WWOX: variants seen among roughly 807,000 people sequenced by gnomAD.
The protein encoded by WWOX is WW domain containing oxidoreductase, also known as WW domain-containing oxidoreductase.
A neutral mutation model predicts 46.2 loss-of-function variants in WWOX; 69 were observed. The ratio of observed to expected loss-of-function variants is 1.49; its 90% CI spans 1.23 to 1.82. WWOX has a LOEUF of 1.82. Ranked by LOEUF, WWOX falls within the 40% of genes most tolerant of loss-of-function variation. The probability of loss-of-function intolerance (pLI) is 0.00; values close to 1 mark genes in which losing one functional copy is unlikely to be tolerated. For missense variants in WWOX, 919 were observed against 542.6 expected (o/e 1.69, Z -6.89); for synonymous variants, 359 against 202.6 (o/e 1.77, Z -6.56).
intron 8 of WWOX, among the ~76,000 whole-genome samples, chr16:78,917,155 C>G (rs1597147919): frequency 2.0e-5 from 3 of 152,276 alleles, no homozygotes; most frequent in East Asian, 1.9e-4. Context: ...CCACTCTCAA[C>G]CAATTTTTGT....
At chr16:78,197,975 T>C (rs1276828554) in intron 5 of WWOX, among the ~76,000 whole-genome samples, 1 of 152,112 alleles carries the variant, frequency 6.6e-6, no homozygotes, top group Non-Finnish European at 1.5e-5. Flanking sequence ...TCCATTTTCT[T>C]TCCTTTTTAC....
chr16:79,176,941 C>A (rs918049218), intron 8 of WWOX, among the ~76,000 whole-genome samples: 1 of 152,168 alleles, frequency 6.6e-6, no homozygotes, highest in Non-Finnish European at 1.5e-5. Context: ...CTTTCCCTCT[C>A]ATCAGTTTCC....
chr16:78,118,566 C>G (rs1176503510), intron 4 of WWOX, among the ~76,000 whole-genome samples: 1 of 152,152 alleles, frequency 6.6e-6, no homozygotes. Context: ...TGTTGAACTA[C>G]TGTTTGTGTA....
chr16:78,902,649 C>G (rs1218871266), intron 8 of WWOX, among the ~76,000 whole-genome samples: 3 of 152,210 alleles, frequency 2.0e-5, no homozygotes, highest in Admixed American at 6.5e-5. Flanking sequence ...CATGGGTAAA[C>G]CATTAGGCCG....
intron 8 of WWOX, among the ~76,000 whole-genome samples, chr16:78,617,337 G>T (rs1427698650): frequency 6.6e-6 from 1 of 151,314 alleles, no homozygotes; most frequent in Non-Finnish European, 1.5e-5. Flanking sequence ...AGGAGGCAGA[G>T]GTTGCAGTGA....
rs116759908 is a variant in WWOX, at chr16:78,814,317, C to G, written c.1056+381565C>G. Among the ~76,000 whole-genome samples, 1,177 of 152,202 alleles carry G rather than the reference C, an allele frequency of 7.7e-3. 14 individuals carry two copies. The highest frequency in any genetic ancestry group is 0.027 in the African/African-American group (1,123 of 41,510). On this transcript the variant is annotated intron_variant, in intron 8 of 8. Coordinates refer to ENST00000566780, the MANE Select transcript of WWOX (RefSeq NM_016373.4). Reference sequence around the variant, plus strand: ...TTTTTATCCTCCTGGTGAAGTATCTCCTTTTCCCTAAAAAACTGGAAAAAA... The same window carrying G: ...TTTTTATCCTCCTGGTGAAGTATCTGCTTTTCCCTAAAAAACTGGAAAAAA...
intron 8 of WWOX, among the ~76,000 whole-genome samples, chr16:78,914,828 A>G (rs558989242): frequency 1.0e-4 from 15 of 144,410 alleles, no homozygotes; most frequent in East Asian, 2.2e-4. Flanking sequence ...GCAGTGAGCC[A>G]GGATCGCGCC....
At chr16:78,727,815 A>G (rs4508429) in intron 8 of WWOX, among the ~76,000 whole-genome samples, 101,063 of 151,714 alleles carry the variant, frequency 0.67, 35,377 homozygotes, top group African/African-American at 0.9. Flanking sequence ...TGTCCTACCT[A>G]TGTGCCTGCC....
At chr16:78,956,840 G>A (rs77527189) in intron 8 of WWOX, among the ~76,000 whole-genome samples, 1,786 of 152,238 alleles carry the variant, frequency 0.012, 30 homozygotes, top group African/African-American at 0.04. Context: ...CCCACTTTTG[G>A]AAATTGTGAA....
intron 8 of WWOX, among the ~76,000 whole-genome samples, chr16:78,852,892 T>A (rs1200758503): frequency 6.6e-6 from 1 of 152,192 alleles, no homozygotes; most frequent in Non-Finnish European, 1.5e-5. Flanking sequence ...TAGCACTTTC[T>A]CAAAAAGTAG....
intron 8 of WWOX, among the ~76,000 whole-genome samples, chr16:78,467,529 A>T (rs1004450235): frequency 1.3e-5 from 2 of 152,192 alleles, no homozygotes; most frequent in Admixed American, 1.3e-4. Flanking sequence ...AAGACTTTTT[A>T]GTTTAAACTG....
chr16:78,658,740 G>C (rs983518061), intron 8 of WWOX, among the ~76,000 whole-genome samples: 4 of 152,082 alleles, frequency 2.6e-5, no homozygotes, highest in African/African-American at 9.7e-5. Flanking sequence ...CTGGAATCCA[G>C]GATGACCTCA....
intron 1 of WWOX, among the ~76,000 whole-genome samples, chr16:78,107,668 G>T (rs1463001776): frequency 1.3e-5 from 2 of 152,080 alleles, no homozygotes; most frequent in African/African-American, 4.8e-5. Flanking sequence ...AGTTACATCT[G>T]TGGAAAGAAT....
At position 78,625,153 on chromosome 16, in the gene WWOX, A is replaced by G. The variant is rs74944793; in HGVS notation, c.1056+192401A>G. ...TACTAAAACTTTGCTGGAGAACATC[A>G]CCAATCACGCTGAGGGATCCTTTGA... On this transcript the variant is annotated intron_variant, in intron 8 of 8. Transcript: ENST00000566780. 3.2e-3 allele frequency among the ~76,000 whole-genome samples: 484 copies of G among 152,224 alleles called. 12 individuals carry two copies. The East Asian group carries it at 0.075, about 24-fold the overall frequency.
intron 4 of WWOX, among the ~76,000 whole-genome samples, chr16:78,162,517 C>CAT (rs71137878): frequency 5.3e-5 from 8 of 151,694 alleles, no homozygotes; most frequent in East Asian, 3.9e-4. Context: ...GTAGCTTGCA[C>CAT]ATATATATAT....
chr16:78,913,025 G>A (rs901309253), intron 8 of WWOX, among the ~76,000 whole-genome samples: 1 of 151,968 alleles, frequency 6.6e-6, no homozygotes, highest in African/African-American at 2.4e-5. Flanking sequence ...TTGTCTCAGA[G>A]CACAACAGGT....
At chr16:78,335,645 C>T (rs945158847) in intron 5 of WWOX, among the ~76,000 whole-genome samples, 5 of 152,134 alleles carry the variant, frequency 3.3e-5, no homozygotes, top group African/African-American at 1.2e-4. Flanking sequence ...GGTACATGCA[C>T]ATGTATGTTG....
chr16:78,742,683 C>T (rs1369238525), intron 8 of WWOX, among the ~76,000 whole-genome samples: 1 of 152,174 alleles, frequency 6.6e-6, no homozygotes, highest in Non-Finnish European at 1.5e-5. Context: ...GGAGTCAGAG[C>T]GTTCTGCCCT....
At chr16:78,249,610 A>T (rs2037925480) in intron 5 of WWOX, among the ~76,000 whole-genome samples, 1 of 152,230 alleles carries the variant, frequency 6.6e-6, no homozygotes, top group African/African-American at 2.4e-5. Flanking sequence ...AAGGCCGTTC[A>T]TCTGGAACTT....
Sources: allele counts gnomAD v4.1 joint callset (sites outside exome capture counted in the v4.1 genomes callset), GRCh38; gene constraint gnomAD v4.1.1; transcripts MANE v1.5; gene names NCBI Gene and HGNC (gene_info 2026-07-23, HGNC 2026-07-21).